Variants in ZNF600 observed in about 807,000 individuals in gnomAD.
ZNF600 encodes zinc finger protein 600, also known as zinc finger protein KR-ZNF1.
A neutral mutation model predicts 7.3 loss-of-function variants in ZNF600; 4 were observed. The observed-to-expected ratio is 0.55, with a 90% CI of 0.27 to 1.25. ZNF600 has a LOEUF of 1.25. Ranked by LOEUF, ZNF600 falls within the 50% of genes most tolerant of loss-of-function variation. ZNF600 has a pLI of 0.12. For missense variants in ZNF600, 911 were observed against 922.1 expected, an observed-to-expected ratio of 0.99 and a Z score of 0.16; for synonymous variants, 290 against 308.9, an observed-to-expected ratio of 0.94 and a Z score of 0.64.
chr19:52,825,807 GAAAC>G, the ZNF600 span, among the ~76,000 whole-genome samples: 1 of 152,042 alleles, frequency 6.6e-6, no homozygotes, highest in Non-Finnish European at 1.5e-5. Flanking sequence ...CCAACATGGT[GAAAC>G]TCCATCTCTA....
the ZNF600 span, among the ~76,000 whole-genome samples, chr19:52,821,865 T>C: frequency 6.6e-6 from 1 of 151,276 alleles, no homozygotes; most frequent in Non-Finnish European, 1.5e-5. Context: ...ATCGAGCCAC[T>C]GCACACCAGC....
intron 1 of ZNF600, among the ~76,000 whole-genome samples, chr19:52,782,547 A>G (rs752379336): frequency 3.3e-4 from 50 of 152,148 alleles, no homozygotes; most frequent in Middle Eastern, 3.4e-3. Context: ...GACAACAGCA[A>G]AAATAAGTAA....
chr19:52,766,330 C>T, exon 4 of ZNF600: 1 of 1,614,170 alleles, frequency 6.2e-7, no homozygotes. Context: ...AAAGCCTTGT[C>T]ACAAACCTTA....
chr19:52,797,090 CAA>C, the ZNF600 span, among the ~76,000 whole-genome samples: 1 of 152,166 alleles, frequency 6.6e-6, no homozygotes, highest in African/African-American at 2.4e-5. Flanking sequence ...CATATTCAAG[CAA>C]ATCAATGTGA....
chr19:52,810,585 AC>A, the ZNF600 span: 8 of 1,580,626 alleles, frequency 5.1e-6, no homozygotes, highest in Admixed American at 1.3e-4. Context: ...CGAGCCCGCT[AC>A]CGCGCCCGAC....
At chr19:52,811,734 G>T in the ZNF600 span, among the ~76,000 whole-genome samples, 1 of 149,414 alleles carries the variant, frequency 6.7e-6, no homozygotes, top group African/African-American at 2.5e-5. Context: ...GTCTCCGCCC[G>T]GCAGCCGCCC....
chr19:52,777,259 T>C (rs1325483023), intron 2 of ZNF600, among the ~76,000 whole-genome samples: 1 of 151,474 alleles, frequency 6.6e-6, no homozygotes, highest in Non-Finnish European at 1.5e-5. Context: ...ATGCCTGTAA[T>C]CCCAGATACT....
At chr19:52,791,604 A>G (rs949856790), upstream of ZNF600, among the ~76,000 whole-genome samples, 2 of 151,234 alleles carry the variant, frequency 1.3e-5, no homozygotes, top group African/African-American at 2.4e-5. Context: ...AAAAGACTTC[A>G]TGTCAGAAAT....
At chr19:52,831,505 T>G in the ZNF600 span, among the ~76,000 whole-genome samples, 1 of 151,156 alleles carries the variant, frequency 6.6e-6, no homozygotes, top group Non-Finnish European at 1.5e-5. Flanking sequence ...GTTTTTTTGT[T>G]TTTTTGTTTT....
At chr19:52,795,596 C>T in the ZNF600 span, among the ~76,000 whole-genome samples, 1 of 152,076 alleles carries the variant, frequency 6.6e-6, no homozygotes, top group African/African-American at 2.4e-5. Flanking sequence ...GAGATGGAGT[C>T]TCACCCTGTA....
At chr19:52,823,382 G>A in the ZNF600 span, among the ~76,000 whole-genome samples, 2 of 151,888 alleles carry the variant, frequency 1.3e-5, no homozygotes, top group Non-Finnish European at 2.9e-5. Context: ...CCTGGCTAAT[G>A]CTTTTGTATT....
At chr19:52,780,144 G>A (rs1271672960) in intron 1 of ZNF600, among the ~76,000 whole-genome samples, 1 of 152,116 alleles carries the variant, frequency 6.6e-6, no homozygotes, top group Non-Finnish European at 1.5e-5. Context: ...CCAAATCAAT[G>A]TACTTCTTAC....
exon 3 of ZNF600, chr19:52,774,686 T>G (rs547965681): frequency 6.5e-4 from 643 of 985,312 alleles, no homozygotes; most frequent in Non-Finnish European, 7.4e-4. Context: ...GCCACATCCC[T>G]GAAAGTCAAG....
At chr19:52,820,290 T>TA in the ZNF600 span, among the ~76,000 whole-genome samples, 1 of 135,016 alleles carries the variant, frequency 7.4e-6, no homozygotes, top group Non-Finnish European at 1.5e-5. Context: ...GCTAATTTTT[T>TA]GTATTTTTAG....
At chr19:52,782,522 CA>C (rs112059475) in intron 1 of ZNF600, among the ~76,000 whole-genome samples, 33,483 of 125,824 alleles carry the variant, frequency 0.27, 4,823 homozygotes, top group African/African-American at 0.45. Context: ...AAACTGCATC[CA>C]AAAAAAAAAA....
the ZNF600 span, chr19:52,800,455 C>T: frequency 2.5e-6 from 4 of 1,613,420 alleles, no homozygotes; most frequent in Admixed American, 6.7e-5. Flanking sequence ...TATGGTTTCT[C>T]TGCAGTATGA....
chr19:52,816,473 G>A, the ZNF600 span, among the ~76,000 whole-genome samples: 1 of 145,384 alleles, frequency 6.9e-6, no homozygotes, highest in African/African-American at 2.7e-5. Flanking sequence ...GACCATCCTG[G>A]CTAACACGGT....
At chr19:52,778,172 C>T (rs1236904319) in intron 2 of ZNF600, among the ~76,000 whole-genome samples, 1 of 152,010 alleles carries the variant, frequency 6.6e-6, no homozygotes, top group Non-Finnish European at 1.5e-5. Context: ...CACCACCACC[C>T]CAAGCTAATT....
the ZNF600 span, chr19:52,798,753 C>A: frequency 1.7e-6 from 1 of 591,832 alleles, no homozygotes; most frequent in South Asian, 1.5e-5. Context: ...AAAAATCTGT[C>A]ACATTTATTA....
Sources: allele counts gnomAD v4.1 joint callset (sites outside exome capture counted in the v4.1 genomes callset), GRCh38; gene constraint gnomAD v4.1.1; transcripts MANE v1.5; gene names NCBI Gene and HGNC (gene_info 2026-07-23, HGNC 2026-07-21).